VWA8: variants seen among roughly 807,000 people sequenced by gnomAD.
VWA8 encodes von Willebrand factor A domain-containing protein 8.
In VWA8, 221 loss-of-function variants were observed where a neutral mutation model predicts 241.5. The ratio of observed to expected loss-of-function variants is 0.91; its 90% CI spans 0.82 to 1.02. The LOEUF (loss-of-function observed/expected upper bound fraction) is 1.02, where lower values mean the gene tolerates loss of function less well. Ranked by LOEUF, VWA8 falls within the 50% of genes least tolerant of loss-of-function variation. The pLI, the probability that VWA8 is intolerant of heterozygous loss-of-function variation, is 0.00. For missense variants in VWA8, 2,322 were observed against 2,328.7 expected (o/e 1.00, Z 0.06); for synonymous variants, 852 against 827.1 (o/e 1.03, Z -0.52).
rs190967287 is a variant in VWA8 at position 41,610,354 on chromosome 13, G to A, written c.4877+1222C>T. 2.7e-3 allele frequency among the ~76,000 whole-genome samples: 409 copies of A among 152,280 alleles called. 1 individual carries two copies. Among genetic ancestry groups the A allele is most frequent in the African/African-American group, 9.4e-3 (389 of 41,562 alleles). Reference sequence around the variant, plus strand: ...GTTCTCATAACCTCCCTGGGAGAAAGGGAGAGTGAATTTTATTTCCAGAAG... The same window carrying A: ...GTTCTCATAACCTCCCTGGGAGAAAAGGAGAGTGAATTTTATTTCCAGAAG... On this transcript the variant is annotated intron_variant, in intron 39 of 44. Transcript: ENST00000379310.
At chr13:41,755,333 G>A (rs1306838632) in intron 21 of VWA8, among the ~76,000 whole-genome samples, 1 of 151,934 alleles carries the variant, frequency 6.6e-6, no homozygotes, top group Non-Finnish European at 1.5e-5. Context: ...ATTTTAAACA[G>A]AAATCGAGAC....
rs748715068 is a variant in VWA8, at chr13:41,906,349, TG to T, written c.483+1236del. Among the ~76,000 whole-genome samples the T allele has an allele frequency of 5.3e-5, 8 of 152,180 alleles. No homozygotes were observed. In the East Asian group the frequency reaches 5.8e-4, roughly 11 times the overall value. The stretch of plus-strand genomic sequence containing the variant: ...ACTCACACTTCTGTAACATACTTTA[TG>T]TACACTCTGTTAACTGCTCCTTGTG... On this transcript the variant is annotated intron_variant, in intron 4 of 44. Transcript: ENST00000379310.
intron 2 of VWA8, among the ~76,000 whole-genome samples, chr13:41,923,436 T>A (rs149508030): frequency 0.031 from 4,633 of 151,110 alleles, 75 homozygotes; most frequent in Middle Eastern, 0.059. Context: ...AAGTATAATT[T>A]AAAAAAAAAG....
chr13:41,622,820 T>C (rs1191050047), intron 37 of VWA8, among the ~76,000 whole-genome samples: 1 of 152,182 alleles, frequency 6.6e-6, no homozygotes, highest in Non-Finnish European at 1.5e-5. Context: ...ATCAATAAAA[T>C]GATATAAATA....
At chr13:41,901,149 G>C (rs1310842577) in intron 4 of VWA8, among the ~76,000 whole-genome samples, 1 of 103,592 alleles carries the variant, frequency 9.7e-6, no homozygotes, top group Non-Finnish European at 1.9e-5. Context: ...GTCTCACTTT[G>C]TTACCCAGGC....
intron 20 of VWA8, among the ~76,000 whole-genome samples, chr13:41,765,178 G>A (rs79968583): frequency 6.6e-6 from 1 of 152,036 alleles, no homozygotes; most frequent in Non-Finnish European, 1.5e-5. Flanking sequence ...TTAGCTGGGT[G>A]GGGGAGGGAA....
rs1555303590 is a variant in VWA8 at position 41,573,486 on chromosome 13, AATAT to A, written c.5370+2250_5370+2253del. Among the ~76,000 whole-genome samples, 273 of 113,600 alleles carry A rather than the reference AATAT, an allele frequency of 2.4e-3. 3 individuals are homozygous for A. In the Middle Eastern group the frequency reaches 0.036, roughly 15 times the overall value. 74.5% of individuals were successfully genotyped at this position (113,600 alleles called of 152,430 possible). On this transcript the variant is annotated intron_variant, in intron 43 of 44. Coordinates refer to ENST00000379310, the MANE Select transcript of VWA8 (RefSeq NM_015058.2). Reference sequence around the variant, plus strand: ...GGTGGCTATAGTTTAAAAAAAAAAAAATATATATATATATATATATACCTCTCTC... The same window carrying A: ...GGTGGCTATAGTTTAAAAAAAAAAAAATATATATATATATATACCTCTCTC...
chr13:41,610,006 G>A (rs61963029), intron 39 of VWA8, among the ~76,000 whole-genome samples: 115 of 152,256 alleles, frequency 7.6e-4, no homozygotes, highest in Non-Finnish European at 1.2e-3. Flanking sequence ...GGAGAAGGGC[G>A]TACATACTTG....
intron 5 of VWA8, 84 bp from the exon 6 acceptor site, chr13:41,887,445 C>T: frequency 7.0e-7 from 1 of 1,424,858 alleles, no homozygotes; most frequent in Non-Finnish European, 9.5e-7. Context: ...GGACTTAGGA[C>T]TTGACTGTTG....
chr13:41,784,128 T>C (rs1869029015), intron 18 of VWA8, among the ~76,000 whole-genome samples: 1 of 151,152 alleles, frequency 6.6e-6, no homozygotes, highest in Admixed American at 6.6e-5. Context: ...ACAGTATATA[T>C]ATAATTGTGA....
intron 2 of VWA8, among the ~76,000 whole-genome samples, chr13:41,915,933 T>C (rs1876233466): frequency 6.6e-6 from 1 of 152,162 alleles, no homozygotes; most frequent in African/African-American, 2.4e-5. Flanking sequence ...CAGGTAAACA[T>C]ACAAACGATT....
At chr13:41,916,809 C>T (rs944833510) in intron 2 of VWA8, among the ~76,000 whole-genome samples, 1 of 152,144 alleles carries the variant, frequency 6.6e-6, no homozygotes, top group Admixed American at 6.6e-5. Context: ...CAAGACTGTA[C>T]ATTACGAACA....
At chr13:41,785,492 GTT>G (rs1869149368) in intron 18 of VWA8, among the ~76,000 whole-genome samples, 1 of 151,070 alleles carries the variant, frequency 6.6e-6, no homozygotes, top group Admixed American at 6.6e-5. Context: ...ATTACAGTTT[GTT>G]TCTCCACTAG....
chr13:41,934,730 T>A (rs1877273533), intron 2 of VWA8, among the ~76,000 whole-genome samples: 1 of 152,032 alleles, frequency 6.6e-6, no homozygotes, highest in Non-Finnish European at 1.5e-5. Context: ...AGCAGATTAA[T>A]GATTCCTAGG....
At chr13:41,835,480 T>A (rs1392903380) in intron 12 of VWA8, among the ~76,000 whole-genome samples, 1 of 152,168 alleles carries the variant, frequency 6.6e-6, no homozygotes, top group African/African-American at 2.4e-5. Flanking sequence ...ACTCTCTTGA[T>A]GCCAATGACA....
At chr13:41,929,823 A>G (rs1233534200) in intron 2 of VWA8, among the ~76,000 whole-genome samples, 1 of 152,236 alleles carries the variant, frequency 6.6e-6, no homozygotes, top group Non-Finnish European at 1.5e-5. Flanking sequence ...GGCCTTGGCA[A>G]TGATTTCTTT....
intron 40 of VWA8, among the ~76,000 whole-genome samples, chr13:41,601,016 T>C (rs1302941290): frequency 1.3e-5 from 2 of 152,120 alleles, no homozygotes; most frequent in African/African-American, 4.8e-5. Flanking sequence ...CTAAAGAAGA[T>C]AGAACCAGCT....
chr13:41,639,692 G>A (rs1307372220), intron 37 of VWA8, among the ~76,000 whole-genome samples: 1 of 152,174 alleles, frequency 6.6e-6, no homozygotes, highest in East Asian at 1.9e-4. Flanking sequence ...AGTGAGGCAT[G>A]TTTGTAAGAA....
At position 41,701,498 on chromosome 13, in the gene VWA8, T is replaced by C. The variant is rs765523005; in HGVS notation, c.3258A>G (p.Pro1086=). The C allele has an allele frequency of 2.5e-6, 4 of 1,611,406 alleles. No individual in the cohort carries two copies. Among genetic ancestry groups the C allele is most frequent in the Non-Finnish European group, 2.5e-6 (3 of 1,178,852 alleles). Residue 1086 remains proline, a synonymous_variant, in exon 28 of 45, where the codon CCA becomes CCG. Coordinates refer to ENST00000379310, the MANE Select transcript of VWA8 (RefSeq NM_015058.2). ...GPALINIQEY[P]IERHEERSLN... ...GGGATCTTTCTTCATGTCTTTCTAT[T>C]GGATACTCCTGTATATTTATAAGTG... is the stretch of plus-strand genomic sequence containing the variant.
Sources: allele counts gnomAD v4.1 joint callset (sites outside exome capture counted in the v4.1 genomes callset), GRCh38; gene constraint gnomAD v4.1.1; transcripts MANE v1.5; gene names NCBI Gene and HGNC (gene_info 2026-07-23, HGNC 2026-07-21).